The following ILRUN variants were observed in gnomAD, a reference collection of about 807,000 sequenced individuals.
ILRUN encodes the protein protein ILRUN.
In ILRUN, 3 loss-of-function variants were observed where a neutral mutation model predicts 33.8. The observed-to-expected ratio is 0.09, with a 90% confidence interval of 0.04 to 0.23. The LOEUF is 0.23. ILRUN is among the 10% of genes least tolerant of loss of function. ILRUN has a pLI of 1.00. For missense variants in ILRUN, 210 were observed against 375.1 expected, an observed-to-expected ratio of 0.56 and a Z score of 3.64; for synonymous variants, 124 against 138.9, an observed-to-expected ratio of 0.89 and a Z score of 0.75.
chr6:34,632,238 T>C (rs1458632460), intron 3 of ILRUN, among the ~76,000 whole-genome samples: 1 of 152,016 alleles, frequency 6.6e-6, no homozygotes, highest in African/African-American at 2.4e-5. Flanking sequence ...GTTAGGAGTT[T>C]GAGACCAGCC....
chr6:34,644,577 CAAAT>C (rs1463949037), intron 3 of ILRUN, among the ~76,000 whole-genome samples: 4 of 152,158 alleles, frequency 2.6e-5, no homozygotes, highest in Admixed American at 6.5e-5. Flanking sequence ...AGGGAAGAGA[CAAAT>C]AACCTCTCTA....
chr6:34,610,155 C>T (rs1216348521), intron 3 of ILRUN, among the ~76,000 whole-genome samples: 26 of 147,310 alleles, frequency 1.8e-4, no homozygotes, highest in Admixed American at 6.1e-4. Flanking sequence ...AGCAAGACTC[C>T]GTCTCAAAAA....
At chr6:34,660,700 T>C (rs1762870322) in intron 1 of ILRUN, among the ~76,000 whole-genome samples, 1 of 151,838 alleles carries the variant, frequency 6.6e-6, no homozygotes, top group Non-Finnish European at 1.5e-5. Flanking sequence ...GCAAAATAGA[T>C]GCTCTTAACC....
intron 1 of ILRUN, among the ~76,000 whole-genome samples, chr6:34,681,186 T>G (rs1763351815): frequency 6.6e-6 from 1 of 152,084 alleles, no homozygotes; most frequent in South Asian, 2.1e-4. Context: ...CTCTTATGAA[T>G]CACTGACCTC....
At chr6:34,603,785 G>A (rs187683384) in intron 4 of ILRUN, among the ~76,000 whole-genome samples, 1 of 152,210 alleles carries the variant, frequency 6.6e-6, no homozygotes, top group African/African-American at 2.4e-5. Flanking sequence ...ACTGTACTGC[G>A]GGCTCCTAGT....
chr6:34,633,039 T>C (rs571122359), intron 3 of ILRUN, among the ~76,000 whole-genome samples: 1 of 152,170 alleles, frequency 6.6e-6, no homozygotes, highest in Non-Finnish European at 1.5e-5. Flanking sequence ...AACTACATGC[T>C]ATCTATAAGA....
At chr6:34,634,530 C>G (rs1762315381) in intron 3 of ILRUN, among the ~76,000 whole-genome samples, 1 of 151,864 alleles carries the variant, frequency 6.6e-6, no homozygotes, top group Middle Eastern at 3.2e-3. Flanking sequence ...GAAGCTGATT[C>G]TTTTCAAAGA....
chr6:34,646,510 T>C lies in ILRUN; in HGVS notation c.511+91A>G, dbSNP rs73745012. ...GTTAAAAAGAGGCCATGCCCTGTTA[T>C]GCAATTTGACAGGCTCTGTGAGCAA... On this transcript the variant is annotated intron_variant, in intron 3 of 4. Coordinates refer to ENST00000374023, the MANE Select transcript of ILRUN (RefSeq NM_024294.4). This position sits in a 1 kb window ranked among gnomAD's most constrained non-coding sequence, Gnocchi z 4.9. The C allele has an allele frequency of 8.7e-6, 11 of 1,260,526 alleles. No homozygotes were observed. The highest frequency in any genetic ancestry group is 1.9e-4 in the Middle Eastern group (1 of 5,208). 78.1% of individuals were successfully genotyped at this position (1,260,526 alleles called of 1,614,324 possible).
intron 3 of ILRUN, among the ~76,000 whole-genome samples, chr6:34,608,001 G>C (rs1466310704): frequency 6.6e-6 from 1 of 152,080 alleles, no homozygotes; most frequent in Non-Finnish European, 1.5e-5. Flanking sequence ...ACAGAGGTGG[G>C]AGGATCGCTT....
chr6:34,642,858 T>C (rs1473384195), intron 3 of ILRUN, among the ~76,000 whole-genome samples: 1 of 136,286 alleles, frequency 7.3e-6, no homozygotes, highest in East Asian at 2.1e-4. Context: ...AAAGGCATGA[T>C]GGCACATGCC....
At chr6:34,653,313 C>T (rs979471498) in intron 2 of ILRUN, among the ~76,000 whole-genome samples, 11 of 152,014 alleles carry the variant, frequency 7.2e-5, no homozygotes, top group Admixed American at 2.0e-4. Flanking sequence ...TCACTGCAAC[C>T]TCCACCTCCT....
chr6:34,633,771 C>A (rs1030048148), intron 3 of ILRUN, among the ~76,000 whole-genome samples: 5 of 149,402 alleles, frequency 3.3e-5, no homozygotes, highest in African/African-American at 1.2e-4. Context: ...CAGAGTGAGA[C>A]CCTGTCAGAA....
intron 1 of ILRUN, among the ~76,000 whole-genome samples, chr6:34,675,799 A>G (rs551771222): frequency 6.6e-6 from 1 of 152,354 alleles, no homozygotes; most frequent in East Asian, 1.9e-4. Context: ...AGAGAGGAAA[A>G]TACACAAGTT....
intron 3 of ILRUN, among the ~76,000 whole-genome samples, chr6:34,632,858 G>A (rs566827950): frequency 1.3e-5 from 2 of 152,134 alleles, no homozygotes; most frequent in Admixed American, 6.6e-5. Context: ...TTAATCACAA[G>A]TAACCAATAA....
At chr6:34,657,864 G>C (rs1407193480) in intron 1 of ILRUN, among the ~76,000 whole-genome samples, 1 of 152,194 alleles carries the variant, frequency 6.6e-6, no homozygotes, top group Non-Finnish European at 1.5e-5. Context: ...AATTCTTCAT[G>C]AAATGGAGCT....
At chr6:34,694,312 A>C (rs1763709811) in intron 1 of ILRUN, among the ~76,000 whole-genome samples, 1 of 152,178 alleles carries the variant, frequency 6.6e-6, no homozygotes, top group Non-Finnish European at 1.5e-5. Context: ...AAATGGTCCA[A>C]TTCACAAGGG....
rs537073151 is a variant in ILRUN, at chr6:34,597,095, C to T, written c.862-6495G>A. 2.6e-5 allele frequency among the ~76,000 whole-genome samples: 4 copies of T among 152,256 alleles called. No individual in the cohort carries two copies. In the East Asian group the frequency reaches 7.7e-4, roughly 29 times the overall value. Reference sequence around the variant, plus strand: ...GGCAACTCCCACAGCCTTCACTCACCCCCTACTCCCCTTACATATTTTTTA... The same window carrying T: ...GGCAACTCCCACAGCCTTCACTCACTCCCTACTCCCCTTACATATTTTTTA... On this transcript the variant is annotated intron_variant, in intron 4 of 4. Transcript: ENST00000374023.
In ILRUN at chr6:34,605,327, A is replaced by C. The variant is rs919823971; in HGVS notation, c.861+1228T>G. Among the ~76,000 whole-genome samples the C allele has an allele frequency of 7.4e-3, 1,067 of 145,032 alleles. 18 individuals carry two copies. Among genetic ancestry groups the C allele is most frequent in the African/African-American group, 0.026 (1,014 of 39,318 alleles). On this transcript the variant is annotated intron_variant, in intron 4 of 4. Coordinates refer to ENST00000374023, the MANE Select transcript of ILRUN (RefSeq NM_024294.4). ...GTCTCCAAAACAAAAACAAAAAAAA[A>C]AAAAAAAAAAAAAAGGAGGGCTGGG...
At chr6:34,644,201 T>C (rs1298355038) in intron 3 of ILRUN, among the ~76,000 whole-genome samples, 1 of 152,100 alleles carries the variant, frequency 6.6e-6, no homozygotes, top group Non-Finnish European at 1.5e-5. Flanking sequence ...TAGGGAACAT[T>C]GAGAAGTAGT....
Sources: allele counts gnomAD v4.1 joint callset (sites outside exome capture counted in the v4.1 genomes callset), GRCh38; gene constraint gnomAD v4.1.1; non-coding constraint Gnocchi (gnomAD v3.1); transcripts MANE v1.5; gene names NCBI Gene and HGNC (gene_info 2026-07-23, HGNC 2026-07-21).